GRIN2A: variants seen among roughly 807,000 people sequenced by gnomAD.
GRIN2A encodes glutamate ionotropic receptor NMDA type subunit 2A, also known as glutamate receptor ionotropic, NMDA 2A.
GRIN2A carries 22 observed loss-of-function variants against 113.4 expected under a neutral mutation model. The observed-to-expected ratio is 0.19, with a 90% CI of 0.14 to 0.28. The LOEUF (loss-of-function observed/expected upper bound fraction) is 0.28. Among genes scored for constraint, GRIN2A ranks in the 10% least tolerant of loss-of-function variants. The pLI, the probability that GRIN2A is intolerant of heterozygous loss-of-function variation, is 1.00. For synonymous variants in GRIN2A, 827 were observed against 738.4 expected, an observed-to-expected ratio of 1.12 and a Z score of -1.94; for missense variants, 1,502 against 1,887.0, an observed-to-expected ratio of 0.80 and a Z score of 3.78.
At chr16:9,984,505 A>C (rs2141789282) in intron 2 of GRIN2A, among the ~76,000 whole-genome samples, 1 of 152,232 alleles carries the variant, frequency 6.6e-6, no homozygotes, top group South Asian at 2.1e-4. Flanking sequence ...TCAGTCTTTA[A>C]CCCATTTTGA....
chr16:9,986,195 T>G (rs1373785059), intron 2 of GRIN2A, among the ~76,000 whole-genome samples: 1 of 152,040 alleles, frequency 6.6e-6, no homozygotes, highest in East Asian at 1.9e-4. Flanking sequence ...TAGAAAATCC[T>G]ACAACCAAGG....
chr16:10,046,022 G>T (rs368843299), intron 2 of GRIN2A, among the ~76,000 whole-genome samples: 1 of 152,080 alleles, frequency 6.6e-6, no homozygotes, highest in Non-Finnish European at 1.5e-5. Context: ...CAAAAATATC[G>T]CCAGACTATT....
chr16:9,817,962 A>T (rs1192767882), intron 10 of GRIN2A, among the ~76,000 whole-genome samples: 2 of 152,056 alleles, frequency 1.3e-5, no homozygotes, highest in African/African-American at 4.8e-5. Flanking sequence ...TACCTTCTTC[A>T]ACCTTCCAGA....
intron 2 of GRIN2A, among the ~76,000 whole-genome samples, chr16:10,119,187 A>AAC (rs2048785051): frequency 6.6e-6 from 1 of 152,184 alleles, no homozygotes; most frequent in African/African-American, 2.4e-5. Flanking sequence ...AAGGGAAAAA[A>AAC]AGCCCATTGG....
In GRIN2A at chr16:10,130,097, G is replaced by A. The variant is rs189410155; in HGVS notation, c.414+49901C>T. ...TACTAAGACAAGAAAGTAAGAAGGA[G>A]AGATAGGTATGGGGACATGCTAAAG... is the stretch of plus-strand genomic sequence containing the variant. On this transcript the variant is annotated intron_variant, in intron 2 of 12. Transcript: ENST00000330684. Among the ~76,000 whole-genome samples, 510 of 152,296 alleles carry A rather than the reference G, an allele frequency of 3.3e-3. 3 individuals carry two copies. Among genetic ancestry groups the A allele is most frequent in the Non-Finnish European group, 3.8e-3 (261 of 68,026 alleles).
At chr16:9,892,169 C>T (rs116202951) in intron 3 of GRIN2A, among the ~76,000 whole-genome samples, 4,035 of 152,144 alleles carry the variant, frequency 0.027, 180 homozygotes, top group African/African-American at 0.092. Context: ...AAGCAGAAGT[C>T]ACGGTGAGCC....
intron 2 of GRIN2A, among the ~76,000 whole-genome samples, chr16:10,175,140 G>A (rs1228545206): frequency 6.6e-6 from 1 of 152,192 alleles, no homozygotes; most frequent in Non-Finnish European, 1.5e-5. Context: ...TCATAGCCTA[G>A]GTGTGTAACA....
At chr16:9,778,074 A>G (rs559205738) in intron 11 of GRIN2A, among the ~76,000 whole-genome samples, 2 of 152,320 alleles carry the variant, frequency 1.3e-5, no homozygotes, top group Non-Finnish European at 2.9e-5. Flanking sequence ...AAAAACAACA[A>G]CAACAAAAAA....
At chr16:9,788,035 G>A (rs771070531) in intron 11 of GRIN2A, among the ~76,000 whole-genome samples, 3 of 152,166 alleles carry the variant, frequency 2.0e-5, no homozygotes, top group Non-Finnish European at 4.4e-5. Flanking sequence ...GAGAAGCACG[G>A]ATGGCTCTGA....
chr16:9,797,167 C>T (rs1567304318), intron 11 of GRIN2A, among the ~76,000 whole-genome samples: 1 of 152,234 alleles, frequency 6.6e-6, no homozygotes, highest in Non-Finnish European at 1.5e-5. Context: ...TTTTCTCTCC[C>T]ACCTGTAGCC....
At chr16:9,804,683 G>T (rs1232519413) in intron 10 of GRIN2A, among the ~76,000 whole-genome samples, 2 of 151,980 alleles carry the variant, frequency 1.3e-5, no homozygotes, top group Non-Finnish European at 2.9e-5. Flanking sequence ...CAATGTCTGC[G>T]ACAGACCAAA....
intron 2 of GRIN2A, among the ~76,000 whole-genome samples, chr16:10,027,075 T>A (rs2046836157): frequency 6.6e-6 from 1 of 152,234 alleles, no homozygotes; most frequent in African/African-American, 2.4e-5. Flanking sequence ...TTGTTATGTT[T>A]CTGTTGGCCT....
intron 10 of GRIN2A, among the ~76,000 whole-genome samples, chr16:9,802,698 A>G (rs1186191817): frequency 6.6e-6 from 1 of 152,202 alleles, no homozygotes; most frequent in African/African-American, 2.4e-5. Context: ...TTTATATTAT[A>G]AAACCCTCTA....
chr16:9,982,862 T>C (rs1211279546), intron 2 of GRIN2A, among the ~76,000 whole-genome samples: 1 of 152,162 alleles, frequency 6.6e-6, no homozygotes, highest in East Asian at 1.9e-4. Context: ...GTGGTCTCCC[T>C]CAGTGGAAAA....
intron 4 of GRIN2A, among the ~76,000 whole-genome samples, chr16:9,886,815 G>C (rs2043594925): frequency 6.6e-6 from 1 of 152,176 alleles, no homozygotes; most frequent in African/African-American, 2.4e-5. Context: ...ATTCATGTCA[G>C]GGGGTTAAAT....
intron 2 of GRIN2A, among the ~76,000 whole-genome samples, chr16:9,958,405 C>A (rs1279813641): frequency 6.6e-6 from 1 of 152,052 alleles, no homozygotes; most frequent in African/African-American, 2.4e-5. Context: ...ACTCCTCATG[C>A]CCATCAATGA....
At chr16:10,165,264 A>T (rs977801965) in intron 2 of GRIN2A, among the ~76,000 whole-genome samples, 5 of 152,066 alleles carry the variant, frequency 3.3e-5, no homozygotes, top group African/African-American at 9.7e-5. Context: ...AGCAAATTAA[A>T]AGCTATCTAT....
At chr16:9,993,326 G>A (rs930718623) in intron 2 of GRIN2A, among the ~76,000 whole-genome samples, 6 of 152,094 alleles carry the variant, frequency 3.9e-5, no homozygotes, top group Non-Finnish European at 8.8e-5. Context: ...GAGGCAGGAG[G>A]ATTATTTGAA....
At chr16:9,796,278 A>T (rs1902976676) in intron 11 of GRIN2A, among the ~76,000 whole-genome samples, 1 of 152,192 alleles carries the variant, frequency 6.6e-6, no homozygotes, top group South Asian at 2.1e-4. Context: ...TCATCCATAC[A>T]TGTATTTATT....
Sources: gnomAD v4.1 joint callset for allele counts (sites outside exome capture counted in the v4.1 genomes callset) on GRCh38, gnomAD v4.1.1 for gene constraint, MANE v1.5 for transcripts, NCBI Gene and HGNC (gene_info 2026-07-23, HGNC 2026-07-21) for gene names.